The following TADA2A variants were observed in gnomAD, a reference collection of about 807,000 sequenced individuals.
TADA2A encodes the protein transcriptional adapter 2-alpha.
A neutral mutation model predicts 67.4 loss-of-function variants in TADA2A; 38 were observed. The observed-to-expected ratio is 0.56, with a 90% CI of 0.44 to 0.74. TADA2A has a LOEUF of 0.74. Among genes scored for constraint, TADA2A ranks in the 30% least tolerant of loss-of-function variants. The probability of loss-of-function intolerance (pLI) is 0.00; values close to 1 mark genes in which losing one functional copy is unlikely to be tolerated. For synonymous variants in TADA2A, 192 were observed against 181.6 expected, an observed-to-expected ratio of 1.06 and a Z score of -0.46; for missense variants, 454 against 547.0, an observed-to-expected ratio of 0.83 and a Z score of 1.70.
intron 15 of TADA2A, 88 bp downstream of exon 15, chr17:37,474,717 C>A: frequency 7.2e-7 from 1 of 1,387,324 alleles, no homozygotes; most frequent in East Asian, 2.5e-5. Flanking sequence ...GGGTCAAACC[C>A]CTTTTGTTTC....
intron 6 of TADA2A, among the ~76,000 whole-genome samples, chr17:37,441,621 C>T (rs1324834292): frequency 6.6e-6 from 1 of 151,446 alleles, no homozygotes. Context: ...CTCATACTCT[C>T]TAGAAACAGT....
intron 2 of TADA2A, among the ~76,000 whole-genome samples, chr17:37,420,016 A>AC (rs1270515162): frequency 3.5e-5 from 5 of 144,866 alleles, no homozygotes; most frequent in African/African-American, 1.2e-4. Context: ...CTCCGTCTCA[A>AC]AAAAAAAAAC....
chr17:37,410,054 C>T (rs2051813382), intron 1 of TADA2A, among the ~76,000 whole-genome samples: 1 of 151,970 alleles, frequency 6.6e-6, no homozygotes, highest in Non-Finnish European at 1.5e-5. Flanking sequence ...GCTTGTAATC[C>T]CAGCTTCTCA....
At chr17:37,464,862 G>T (rs1422679228) in intron 10 of TADA2A, among the ~76,000 whole-genome samples, 6 of 147,908 alleles carry the variant, frequency 4.1e-5, no homozygotes, top group Non-Finnish European at 8.9e-5. Flanking sequence ...AAGACAGTGA[G>T]GTGGCTGGGC....
chr17:37,453,816 G>C (rs1338558207), intron 8 of TADA2A, among the ~76,000 whole-genome samples: 1 of 137,984 alleles, frequency 7.2e-6, no homozygotes, highest in Non-Finnish European at 1.5e-5. Flanking sequence ...TGTTGCCCAG[G>C]CTGGAGTGCA....
At chr17:37,439,926 ATTTATTTATTTAT>A (rs2052849804) in intron 5 of TADA2A, among the ~76,000 whole-genome samples, 1 of 100,184 alleles carries the variant, frequency 1.0e-5, no homozygotes, top group Non-Finnish European at 1.9e-5. Context: ...TTATTTATTT[ATTTATTTATTTAT>A]TTATTATTTT....
At position 37,448,376 on chromosome 17, in the gene TADA2A, T is replaced by C. The variant is rs115607822; in HGVS notation, c.604+3608T>C. 5.6e-3 allele frequency among the ~76,000 whole-genome samples: 859 copies of C among 152,314 alleles called. 10 individuals carry two copies. The highest frequency in any genetic ancestry group is 0.02 in the African/African-American group (812 of 41,570). ...GAAGGCTTTCAGAATGTATTTCAAA[T>C]GTATACTGCAAGTGAAGCAGTATCC... On this transcript the variant is annotated intron_variant, in intron 8 of 15. Coordinates refer to ENST00000615182, the MANE Select transcript of TADA2A (RefSeq NM_001166105.3).
At chr17:37,428,131 A>T (rs143386482) in intron 4 of TADA2A, among the ~76,000 whole-genome samples, 26 of 152,336 alleles carry the variant, frequency 1.7e-4, no homozygotes, top group African/African-American at 6.0e-4. Context: ...AATTTCACAT[A>T]GTAGATTAAT....
At chr17:37,416,718 A>G (rs2052059736) in intron 2 of TADA2A, among the ~76,000 whole-genome samples, 1 of 152,022 alleles carries the variant, frequency 6.6e-6, no homozygotes, top group African/African-American at 2.4e-5. Flanking sequence ...TACAAAAATT[A>G]GCTGGGCATG....
chr17:37,475,685 C>G lies in TADA2A; in HGVS notation c.1146+1056C>G, dbSNP rs563553809. Among the ~76,000 whole-genome samples, 6 of 152,174 alleles carry G rather than the reference C, an allele frequency of 3.9e-5. No homozygotes were observed. In the East Asian group the frequency reaches 9.6e-4, roughly 24 times the overall value. ...TTCACCTTGTTAGCCAGGCTGGTCT[C>G]GAACTCCTGACTTCAGGTGATCCAC... is the stretch of plus-strand genomic sequence containing the variant. On this transcript the variant is annotated intron_variant, in intron 15 of 15. Coordinates refer to ENST00000615182, the MANE Select transcript of TADA2A (RefSeq NM_001166105.3).
chr17:37,426,207 CAAATTTA>C (rs2052400132), intron 3 of TADA2A: 1 of 152,078 alleles, frequency 6.6e-6, no homozygotes, highest in Non-Finnish European at 1.5e-5. Flanking sequence ...AGCCAGGATT[CAAATTTA>C]GGCTATATGA....
chr17:37,422,929 T>C (rs766648332), intron 2 of TADA2A, among the ~76,000 whole-genome samples: 8 of 152,226 alleles, frequency 5.3e-5, no homozygotes, highest in Non-Finnish European at 8.8e-5. Flanking sequence ...TGGGATATTA[T>C]GAAACTTCCA....
In TADA2A at chr17:37,427,087, T is replaced by C. The variant is rs1053772739; in HGVS notation, c.192+78T>C. The C allele has an allele frequency of 9.4e-6, 12 of 1,281,528 alleles. 1 individual carries two copies. The highest frequency in any genetic ancestry group is 2.2e-4 in the Middle Eastern group (1 of 4,568). The allele number at this position is 1,281,528 out of a possible 1,614,324, so 79.4% of individuals were successfully genotyped here. On this transcript the variant is annotated intron_variant, in intron 4 of 15. Transcript: ENST00000615182. ...GGGAAGTAGTTTTTCTTTTCCATTT[T>C]TCTTTAAGCTCTCTTGGACTTCAGG...
Position 37,440,639 on chromosome 17 carries a change from C to A in TADA2A, c.419C>A (p.Ala140Asp). ...AAACAAGCAGAGGAAGCAAAAACTGCTGACACAGCCATTCCATTTCACTGT... is the reference window on the plus strand; with the variant it reads ...AAACAAGCAGAGGAAGCAAAAACTGATGACACAGCCATTCCATTTCACTGT... ...NLKQAEEAKT[A>D]DTAIPFHSTD... The change falls in exon 6 of 16, where the codon GCT becomes GAT. Residue 140 changes from alanine to aspartate, a missense_variant. Ala to Asp is a moderately radical substitution (Grantham distance 126). Coordinates refer to ENST00000615182, the MANE Select transcript of TADA2A (RefSeq NM_001166105.3). The A allele has an allele frequency of 6.2e-7, 1 of 1,614,232 alleles. No individual in the cohort carries two copies. The highest frequency in any genetic ancestry group is 1.1e-5 in the South Asian group (1 of 91,090).
intron 1 of TADA2A, among the ~76,000 whole-genome samples, chr17:37,409,991 C>T (rs915449603): frequency 6.6e-6 from 1 of 151,988 alleles, no homozygotes; most frequent in Non-Finnish European, 1.5e-5. Flanking sequence ...CATGGTGAAA[C>T]CCTGTCTCTC....
chr17:37,426,679 A>T, intron 3 of TADA2A: 1 of 229,838 alleles, frequency 4.4e-6, no homozygotes, highest in Admixed American at 5.8e-5. Flanking sequence ...AAAAAAAAAA[A>T]AAAAAAAAAA....
chr17:37,456,821 T>C (rs76773047), intron 8 of TADA2A, among the ~76,000 whole-genome samples: 2,703 of 152,138 alleles, frequency 0.018, 77 homozygotes, highest in African/African-American at 0.062. Flanking sequence ...TAGAACAGAA[T>C]CTTTGGAACT....
intron 9 of TADA2A, 25 bp from the exon 10 acceptor site, chr17:37,462,053 A>T: frequency 1.3e-6 from 2 of 1,539,358 alleles, no homozygotes; most frequent in Non-Finnish European, 8.9e-7. Context: ...TCTAATGCAC[A>T]AATTATTGTG....
chr17:37,440,629 G>A lies in TADA2A; in HGVS notation c.409G>A (p.Ala137Thr). 1 of 1,614,176 alleles carries A rather than the reference G, an allele frequency of 6.2e-7. No individual in the cohort carries two copies. The highest frequency in any genetic ancestry group is 8.5e-7 in the Non-Finnish European group (1 of 1,180,026). ...TLLNLKQAEE[A>T]KTADTAIPFH... ...GCTGAACCTGAAACAAGCAGAGGAA[G>A]CAAAAACTGCTGACACAGCCATTCC... is the stretch of plus-strand genomic sequence containing the variant. The change falls in exon 6 of 16, where the codon GCA becomes ACA. Residue 137 changes from alanine (A) to threonine (T), a missense_variant. This residue lies in a region of TADA2A where 403 missense variants were observed against 455.5 expected (regional missense o/e 0.88). Transcript: ENST00000615182.
Sources: allele counts gnomAD v4.1 joint callset (sites outside exome capture counted in the v4.1 genomes callset), GRCh38; gene constraint gnomAD v4.1.1; regional missense constraint gnomAD v4.1.1; transcripts MANE v1.5; gene names NCBI Gene and HGNC (gene_info 2026-07-23, HGNC 2026-07-21).